Variants in CSMD1 observed in about 807,000 individuals in gnomAD.
CSMD1 encodes CUB and Sushi multiple domains 1, also known as CUB and sushi domain-containing protein 1.
In CSMD1, 213 loss-of-function variants were observed where a neutral mutation model predicts 417.5. The observed-to-expected ratio is 0.51, with a 90% CI of 0.46 to 0.57. The LOEUF (loss-of-function observed/expected upper bound fraction) is 0.57, where lower values mean the gene tolerates loss of function less well. Among genes scored for constraint, CSMD1 ranks in the 20% least tolerant of loss-of-function variants. The pLI is 0.00. For synonymous variants in CSMD1, 2,862 were observed against 1,736.8 expected, an observed-to-expected ratio of 1.65 and a Z score of -16.11; for missense variants, 6,923 against 4,529.7, an observed-to-expected ratio of 1.53 and a Z score of -15.17.
intron 51 of CSMD1, among the ~76,000 whole-genome samples, chr8:3,019,831 T>C (rs1485303571): frequency 6.6e-6 from 1 of 152,252 alleles, no homozygotes. Context: ...GATCATGGCC[T>C]CTCAGGGGAG....
chr8:3,554,865 G>A (rs750359588), intron 10 of CSMD1, among the ~76,000 whole-genome samples: 7 of 152,130 alleles, frequency 4.6e-5, no homozygotes, highest in Admixed American at 1.3e-4. Context: ...AGCAGGCAGG[G>A]AGCCCCCTGC....
intron 10 of CSMD1, among the ~76,000 whole-genome samples, chr8:3,557,080 A>T (rs1173424408): frequency 6.6e-6 from 1 of 152,234 alleles, no homozygotes; most frequent in Non-Finnish European, 1.5e-5. Flanking sequence ...GTGCAATGGA[A>T]CACAATACAG....
At chr8:3,677,007 G>T (rs555976960) in intron 7 of CSMD1, among the ~76,000 whole-genome samples, 3 of 151,886 alleles carry the variant, frequency 2.0e-5, no homozygotes, top group African/African-American at 7.3e-5. Context: ...CTGTTGCGGG[G>T]TTGGGGGCAA....
intron 26 of CSMD1, among the ~76,000 whole-genome samples, chr8:3,237,969 A>G (rs1182970592): frequency 6.7e-6 from 1 of 148,740 alleles, no homozygotes; most frequent in Admixed American, 6.7e-5. Context: ...TATAATATAT[A>G]ATACAGATTT....
chr8:3,261,872 C>T (rs1051233610), intron 26 of CSMD1, among the ~76,000 whole-genome samples: 36 of 151,988 alleles, frequency 2.4e-4, no homozygotes, highest in African/African-American at 7.5e-4. Context: ...TCAATGGGTA[C>T]GGCTATCAAA....
chr8:4,143,365 T>G (rs1341406219), intron 3 of CSMD1, among the ~76,000 whole-genome samples: 1 of 84,324 alleles, frequency 1.2e-5, no homozygotes, highest in East Asian at 3.2e-4. Flanking sequence ...TAATGACGTC[T>G]TATCCCTTTT....
At chr8:4,711,922 G>A (rs535832494) in intron 1 of CSMD1, among the ~76,000 whole-genome samples, 6 of 152,292 alleles carry the variant, frequency 3.9e-5, no homozygotes, top group African/African-American at 1.4e-4. Context: ...ACAGGAAAGG[G>A]ACTGAGCTGG....
intron 54 of CSMD1, among the ~76,000 whole-genome samples, chr8:2,991,770 T>A (rs1287900119): frequency 6.6e-6 from 1 of 152,228 alleles, no homozygotes; most frequent in Non-Finnish European, 1.5e-5. Flanking sequence ...TAGCATTTGG[T>A]CTATGGCTGT....
At chr8:4,127,365 AG>A (rs1397878567) in intron 3 of CSMD1, among the ~76,000 whole-genome samples, 2 of 149,278 alleles carry the variant, frequency 1.3e-5, no homozygotes, top group Non-Finnish European at 1.5e-5. Flanking sequence ...TTTATCCTTC[AG>A]CTTCAGCCAC....
chr8:4,002,777 G>T (rs1422789035), intron 4 of CSMD1, among the ~76,000 whole-genome samples: 3 of 152,102 alleles, frequency 2.0e-5, no homozygotes, highest in African/African-American at 7.2e-5. Flanking sequence ...TATATTGGAA[G>T]AACTGAATAG....
intron 5 of CSMD1, among the ~76,000 whole-genome samples, chr8:3,969,462 G>C (rs544094468): frequency 1.3e-5 from 2 of 152,128 alleles, no homozygotes; most frequent in Non-Finnish European, 1.5e-5. Flanking sequence ...TGTTGTTTAA[G>C]ATCCTGGTCT....
chr8:3,606,853 G>A (rs1801642669), intron 8 of CSMD1, among the ~76,000 whole-genome samples: 2 of 151,850 alleles, frequency 1.3e-5, no homozygotes, highest in Admixed American at 6.6e-5. Context: ...TGGGACTACA[G>A]GCACCTGCCA....
chr8:4,461,964 A>G (rs1799861413), intron 2 of CSMD1, among the ~76,000 whole-genome samples: 2 of 151,922 alleles, frequency 1.3e-5, no homozygotes, highest in Admixed American at 6.6e-5. Context: ...GATGGGCTCT[A>G]TCTCCCGACC....
At chr8:3,091,822 T>C (rs1446791807) in intron 47 of CSMD1, among the ~76,000 whole-genome samples, 160 bp from the exon 48 acceptor site, 2 of 152,194 alleles carry the variant, frequency 1.3e-5, no homozygotes, top group Non-Finnish European at 2.9e-5. Flanking sequence ...TAGTGACAGA[T>C]ATATTTTCTG....
At position 4,780,267 on chromosome 8, in the gene CSMD1, C is replaced by T. The variant is rs538663660; in HGVS notation, c.86-142709G>A. On this transcript the variant is annotated intron_variant, in intron 1 of 69. Transcript: ENST00000635120. ...CCCTGAAGGTGTGCAGATTGGCATG[C>T]TTTCTGAGCCCAGGCTTTGTCTCTG... Among the ~76,000 whole-genome samples the T allele has an allele frequency of 6.6e-5, 10 of 152,290 alleles. No homozygotes were observed. The South Asian group carries it at 1.7e-3, about 25-fold the overall frequency.
At chr8:3,965,850 C>G (rs1440785678) in intron 5 of CSMD1, among the ~76,000 whole-genome samples, 2 of 152,112 alleles carry the variant, frequency 1.3e-5, no homozygotes, top group African/African-American at 4.8e-5. Flanking sequence ...AACTCTTGAC[C>G]TCATACTGTG....
intron 10 of CSMD1, among the ~76,000 whole-genome samples, chr8:3,552,736 T>A (rs1350879743): frequency 6.6e-6 from 1 of 152,224 alleles, no homozygotes; most frequent in Non-Finnish European, 1.5e-5. Flanking sequence ...TAAAGTATGC[T>A]TTTAGTTTAT....
At chr8:3,758,869 A>G (rs1712300993) in intron 5 of CSMD1, among the ~76,000 whole-genome samples, 1 of 152,142 alleles carries the variant, frequency 6.6e-6, no homozygotes, top group Non-Finnish European at 1.5e-5. Flanking sequence ...GCCCAATGTA[A>G]TGAAAAAGAT....
At chr8:4,448,077 G>A (rs763848900) in intron 2 of CSMD1, among the ~76,000 whole-genome samples, 1 of 152,194 alleles carries the variant, frequency 6.6e-6, no homozygotes, top group African/African-American at 2.4e-5. Flanking sequence ...TAGCTGTCCA[G>A]TGGAAATTCT....
Sources: allele counts gnomAD v4.1 joint callset (sites outside exome capture counted in the v4.1 genomes callset), GRCh38; gene constraint gnomAD v4.1.1; transcripts MANE v1.5; gene names NCBI Gene and HGNC (gene_info 2026-07-23, HGNC 2026-07-21).